Variants in CA4 observed in about 807,000 individuals in gnomAD.
CA4 encodes carbonic anhydrase 4.
Under a neutral mutation model 34.5 loss-of-function variants are expected in CA4, and 24 were observed. The observed-to-expected ratio is 0.70, with a 90% CI of 0.50 to 0.98. The LOEUF (loss-of-function observed/expected upper bound fraction) is 0.98, where lower values mean the gene tolerates loss of function less well. CA4 is among the 50% of genes least tolerant of loss of function. The pLI, the probability that CA4 is intolerant of heterozygous loss-of-function variation, is 0.00. For synonymous variants in CA4, 178 were observed against 170.6 expected, an observed-to-expected ratio of 1.04 and a Z score of -0.34; for missense variants, 394 against 396.7, an observed-to-expected ratio of 0.99 and a Z score of 0.06.
downstream of CA4, among the ~76,000 whole-genome samples, chr17:60,174,157 G>A (rs1431638843): frequency 6.6e-6 from 1 of 151,448 alleles, no homozygotes. Context: ...TTTTCACTGG[G>A]CGTTAGAAAT....
chr17:60,169,607 G>A (rs1160183780), intron 5 of CA4, among the ~76,000 whole-genome samples: 2 of 152,114 alleles, frequency 1.3e-5, no homozygotes, highest in Admixed American at 6.5e-5. Context: ...TCCTGCCTCA[G>A]CCTCCCAAGT....
intron 5 of CA4, among the ~76,000 whole-genome samples, chr17:60,164,994 T>C (rs1208500659): frequency 6.6e-6 from 1 of 152,194 alleles, no homozygotes; most frequent in Admixed American, 6.5e-5. Context: ...ATGGGGGTGA[T>C]GACAGCATTT....
intron 2 of CA4, among the ~76,000 whole-genome samples, chr17:60,155,707 C>T (rs2083671365): frequency 6.6e-6 from 1 of 152,104 alleles, no homozygotes; most frequent in Non-Finnish European, 1.5e-5. Flanking sequence ...CTCACACTCT[C>T]CTGTCCTGGT....
At chr17:60,171,855 T>C (rs2083913832), downstream of CA4, among the ~76,000 whole-genome samples, 1 of 152,164 alleles carries the variant, frequency 6.6e-6, no homozygotes, top group Admixed American at 6.5e-5. Flanking sequence ...ACTCGCTCAA[T>C]ATTCACAGGG....
At position 60,159,495 on chromosome 17, in the gene CA4, T is replaced by G. The variant is rs983535079; in HGVS notation, c.*71T>G. On this transcript the variant is annotated 3_prime_UTR_variant, in exon 8 of 8. Transcript: ENST00000300900. ...GTTCCAGGCTTCCGGTCCTTAGCCT[T>G]CCCAGGTGGGACTTTAGGCATGATT... The G allele has an allele frequency of 3.2e-5, 49 of 1,511,546 alleles. No individual in the cohort carries two copies. In the South Asian group the frequency reaches 4.9e-4, roughly 15 times the overall value. The allele number at this position is 1,511,546 out of a possible 1,614,324, so 93.6% of individuals were successfully genotyped here.
In CA4 at chr17:60,156,620, C is replaced by A. The variant is rs1390953636; in HGVS notation, c.173C>A (p.Thr58Asn). The stretch of plus-strand genomic sequence containing the variant: ...CGCCAGTCCCCCATCAACATCGTCA[C>A]CACCAAGGCAAAGGTGGACAAAAAA... ...KDRQSPINIV[T>N]TKAKVDKKLG... Residue 58 changes from threonine to asparagine, a missense_variant, in exon 3 of 8, where the codon ACC becomes AAC. Thr to Asn is a moderately conservative substitution (Grantham distance 65). Coordinates refer to ENST00000300900, the MANE Select transcript of CA4 (RefSeq NM_000717.5). The A allele has an allele frequency of 1.9e-5, 30 of 1,614,038 alleles. No homozygotes were observed. Among genetic ancestry groups the A allele is most frequent in the Non-Finnish European group, 2.4e-5 (28 of 1,179,854 alleles).
intron 2 of CA4, 27 bp from the exon 3 acceptor site, chr17:60,156,533 C>G (rs759400257): frequency 6.2e-7 from 1 of 1,613,790 alleles, no homozygotes; most frequent in Non-Finnish European, 8.5e-7. Flanking sequence ...GCACCCGACT[C>G]TCAGCCCACC....
chr17:60,166,359 T>C (rs1033051739), intron 5 of CA4, among the ~76,000 whole-genome samples: 17 of 152,168 alleles, frequency 1.1e-4, no homozygotes, highest in African/African-American at 3.9e-4. Context: ...TCCTCTCTCC[T>C]CTGTCTCCTA....
intron 2 of CA4, 36 bp from the exon 3 acceptor site, chr17:60,156,524 C>A: frequency 6.2e-7 from 1 of 1,612,262 alleles, no homozygotes; most frequent in Non-Finnish European, 8.5e-7. Flanking sequence ...TGGTGCCAGG[C>A]ACCCGACTCT....
intron 5 of CA4, 62 bp downstream of exon 5, chr17:60,157,850 A>G (rs2083719237): frequency 6.5e-7 from 1 of 1,547,266 alleles, no homozygotes; most frequent in Non-Finnish European, 8.9e-7. Flanking sequence ...CTTAGGATTC[A>G]GAGACCTGGG....
downstream of CA4, among the ~76,000 whole-genome samples, chr17:60,172,393 C>T (rs2145315394): frequency 6.6e-6 from 1 of 152,208 alleles, no homozygotes; most frequent in Admixed American, 6.5e-5. Context: ...CTTCTTGGGG[C>T]ATTTCAAGCC....
chr17:60,159,514 C>T lies in CA4; in HGVS notation c.*90C>T. ...TAGCCTTCCCAGGTGGGACTTTAGG[C>T]ATGATTAAAATATGGACATATTTTT... On this transcript the variant is annotated 3_prime_UTR_variant, in exon 8 of 8. Coordinates refer to ENST00000300900, the MANE Select transcript of CA4 (RefSeq NM_000717.5). The T allele has an allele frequency of 1.4e-6, 2 of 1,397,758 alleles. No homozygotes were observed. The highest frequency in any genetic ancestry group is 2.0e-6 in the Non-Finnish European group (2 of 1,011,692). 86.6% of individuals were successfully genotyped at this position (1,397,758 alleles called of 1,614,324 possible). A position where few individuals can be genotyped will look rare whatever the true frequency, so the allele number is the denominator to read the frequency against.
At chr17:60,163,199 G>A (rs2083813363), downstream of CA4, among the ~76,000 whole-genome samples, 1 of 152,038 alleles carries the variant, frequency 6.6e-6, no homozygotes, top group East Asian at 1.9e-4. Flanking sequence ...AGTCGTGGGG[G>A]CTGTGTGGAC....
At chr17:60,163,149 G>C (rs1196438764), downstream of CA4, among the ~76,000 whole-genome samples, 2 of 152,106 alleles carry the variant, frequency 1.3e-5, no homozygotes, top group East Asian at 3.9e-4. Context: ...TAGGGGTGGG[G>C]GAGGAAGGTG....
At chr17:60,162,348 C>A (rs570481929), downstream of CA4, among the ~76,000 whole-genome samples, 2 of 152,220 alleles carry the variant, frequency 1.3e-5, no homozygotes, top group East Asian at 1.9e-4. Flanking sequence ...TCCCTCCATG[C>A]GGCCTCCACC....
downstream of CA4, among the ~76,000 whole-genome samples, chr17:60,164,236 CTTTCTT>C (rs567640669): frequency 9.4e-3 from 1,288 of 136,666 alleles, 5 homozygotes; most frequent in Non-Finnish European, 0.013. Context: ...TTCTCTTTCT[CTTTCTT>C]TCTTCCTTCC....
At chr17:60,177,793 C>T in the CA4 span, among the ~76,000 whole-genome samples, 2 of 152,084 alleles carry the variant, frequency 1.3e-5, no homozygotes, top group Non-Finnish European at 2.9e-5. Context: ...TAGTTACTGG[C>T]CTCAGATATC....
chr17:60,169,770 T>G (rs1235779016), intron 5 of CA4, among the ~76,000 whole-genome samples: 2 of 152,232 alleles, frequency 1.3e-5, no homozygotes, highest in African/African-American at 2.4e-5. Context: ...ATTACAGGCG[T>G]GAGCCACTGC....
chr17:60,159,606 C>T (rs1418300332), downstream of CA4: 3 of 695,092 alleles, frequency 4.3e-6, no homozygotes, highest in Non-Finnish European at 7.4e-6. Context: ...CCTCCACCCA[C>T]CCCTGTTCCT....
Sources: gnomAD v4.1 joint callset for allele counts (sites outside exome capture counted in the v4.1 genomes callset) on GRCh38, gnomAD v4.1.1 for gene constraint, MANE v1.5 for transcripts, NCBI Gene and HGNC (gene_info 2026-07-23, HGNC 2026-07-21) for gene names.